WIPI1: variants seen among roughly 807,000 people sequenced by gnomAD.
WIPI1 encodes WD repeat domain phosphoinositide-interacting protein 1.
Under a neutral mutation model 55.3 loss-of-function variants are expected in WIPI1, and 45 were observed. The ratio of observed to expected loss-of-function variants is 0.81; its 90% confidence interval spans 0.64 to 1.04. WIPI1 has a LOEUF of 1.04. WIPI1 is among the 50% of genes least tolerant of loss of function. The pLI is 0.00. For missense variants in WIPI1, 445 were observed against 559.0 expected (o/e 0.80, Z 2.06); for synonymous variants, 195 against 217.6 (o/e 0.90, Z 0.92).
rs1372239678 is a variant in WIPI1 at position 68,457,430 on chromosome 17, CGGCCCGGGA to C, written c.-18_-10del. The C allele has an allele frequency of 2.0e-6, 3 of 1,469,394 alleles. No individual in the cohort carries two copies. The highest frequency in any genetic ancestry group is 2.4e-5 in the Admixed American group (1 of 41,698). 91.0% of individuals were successfully genotyped at this position (1,469,394 alleles called of 1,614,324 possible). On this transcript the variant is annotated 5_prime_UTR_variant, in exon 1 of 13. Transcript: ENST00000262139. ...GCGGCCTCGGCCTCCATCGGGGGCT[CGGCCCGGGA>C]AGCCGCAGCTCGGAGCCGGCGACAG...
intron 8 of WIPI1, among the ~76,000 whole-genome samples, chr17:68,432,226 C>T (rs1029450963): frequency 2.0e-5 from 3 of 152,078 alleles, no homozygotes; most frequent in African/African-American, 7.2e-5. Flanking sequence ...TGGGGGGAGA[C>T]AAGGATTCTA....
At chr17:68,421,936 G>A in intron 12 of WIPI1, 116 bp from the exon 13 acceptor site, 1 of 1,347,968 alleles carries the variant, frequency 7.4e-7, no homozygotes, top group Non-Finnish European at 1.1e-6. Context: ...GGGCACTGTG[G>A]AATTTTTCTG....
At chr17:68,449,825 C>T (rs957406890) in intron 3 of WIPI1, among the ~76,000 whole-genome samples, 4 of 152,110 alleles carry the variant, frequency 2.6e-5, no homozygotes, top group South Asian at 2.1e-4. Flanking sequence ...TGAGAATAGA[C>T]GAATACACTC....
Position 68,421,453 on chromosome 17 carries a change from C to T in WIPI1, c.*320G>A, listed in dbSNP as rs1019252260. 4.5e-5 allele frequency: 15 copies of T among 334,004 alleles called. No homozygotes were observed. The highest frequency in any genetic ancestry group is 6.2e-5 in the African/African-American group (3 of 48,686). The allele number at this position is 334,004 out of a possible 1,614,324, so 20.7% of individuals were successfully genotyped here. On this transcript the variant is annotated 3_prime_UTR_variant, in exon 13 of 13. Transcript: ENST00000262139. ...TGTTCCTATAAGTACATTTTTTACACGGCATATATTTAAAAAGGAGGCCCC... is the reference window on the plus strand; with the variant it reads ...TGTTCCTATAAGTACATTTTTTACATGGCATATATTTAAAAAGGAGGCCCC...
intron 11 of WIPI1, 74 bp from the exon 12 acceptor site, chr17:68,426,249 C>CGGGGGGGGG: frequency 1.3e-6 from 1 of 776,014 alleles, no homozygotes; most frequent in Non-Finnish European, 1.9e-6. Flanking sequence ...GGGTGGGGAG[C>CGGGGGGGGG]GGGGGCTCAA....
chr17:68,424,104 G>A (rs1010298408), intron 12 of WIPI1, among the ~76,000 whole-genome samples: 1 of 152,110 alleles, frequency 6.6e-6, no homozygotes, highest in Non-Finnish European at 1.5e-5. Flanking sequence ...GGCCAGTTGG[G>A]GCCATGAGAA....
At chr17:68,448,494 G>T (rs1304390734) in intron 3 of WIPI1, 1 of 152,124 alleles carries the variant, frequency 6.6e-6, no homozygotes, top group African/African-American at 2.4e-5. Context: ...TTTAGAAGGT[G>T]GGGGAGGAGA....
At position 68,429,498 on chromosome 17, in the gene WIPI1, A is replaced by T. The variant is rs183999737; in HGVS notation, c.965+498T>A. ...TTATAACCAGAAGGCTAAAATTCCC[A>T]TGCCAACTTCTGGCTGCCCCCTGAG... On this transcript the variant is annotated intron_variant, in intron 9 of 12. Coordinates refer to ENST00000262139, the MANE Select transcript of WIPI1 (RefSeq NM_017983.7). 9.2e-5 allele frequency among the ~76,000 whole-genome samples: 14 copies of T among 152,336 alleles called. No homozygotes were observed. The East Asian group carries it at 2.7e-3, about 29-fold the overall frequency.
At chr17:68,450,372 C>T (rs1001195531) in intron 3 of WIPI1, among the ~76,000 whole-genome samples, 4 of 152,160 alleles carry the variant, frequency 2.6e-5, no homozygotes, top group African/African-American at 9.7e-5. Flanking sequence ...AGGGCAAAAC[C>T]AGAAGAGTCG....
intron 9 of WIPI1, 70 bp from the exon 10 acceptor site, chr17:68,429,006 A>G (rs895441642): frequency 1.3e-5 from 15 of 1,177,890 alleles, no homozygotes; most frequent in Non-Finnish European, 1.6e-5. Flanking sequence ...CCAATGACAA[A>G]GCCCCCCTCA....
At chr17:68,443,850 C>T (rs1358794448) in intron 4 of WIPI1, among the ~76,000 whole-genome samples, 1 of 152,192 alleles carries the variant, frequency 6.6e-6, no homozygotes, top group East Asian at 1.9e-4. Flanking sequence ...CTCACCCCAC[C>T]ACACAATGAA....
Position 68,444,473 on chromosome 17 carries a change from G to A in WIPI1, c.430+20C>T, listed in dbSNP as rs2147951973. The A allele has an allele frequency of 1.9e-6, 3 of 1,601,828 alleles. No individual in the cohort carries two copies. Among genetic ancestry groups the A allele is most frequent in the Non-Finnish European group, 2.6e-6 (3 of 1,171,886 alleles). ...AGGACATGAAATTTCAGGGACATTT[G>A]TTCCATTTTTGGAGCTCACCTGTTG... On this transcript the variant is annotated intron_variant, in intron 4 of 12. Coordinates refer to ENST00000262139, the MANE Select transcript of WIPI1 (RefSeq NM_017983.7).
intron 10 of WIPI1, chr17:68,428,205 T>G (rs1367273298): frequency 6.6e-6 from 1 of 150,896 alleles, no homozygotes; most frequent in African/African-American, 2.5e-5. Context: ...GTAGAGCACT[T>G]TTCAATTCCA....
intron 10 of WIPI1, 55 bp downstream of exon 10, chr17:68,428,774 C>T: frequency 1.4e-6 from 2 of 1,394,608 alleles, no homozygotes; most frequent in Non-Finnish European, 2.0e-6. Flanking sequence ...GGCGAAGGGA[C>T]AACTCTACAC....
chr17:68,438,945 T>C (rs1055387438), intron 4 of WIPI1, among the ~76,000 whole-genome samples: 3 of 152,166 alleles, frequency 2.0e-5, no homozygotes, highest in African/African-American at 7.2e-5. Flanking sequence ...CACGATGAGA[T>C]ACCACTGTAC....
chr17:68,429,423 G>A (rs1409396773), intron 9 of WIPI1, among the ~76,000 whole-genome samples: 1 of 152,066 alleles, frequency 6.6e-6, no homozygotes, highest in East Asian at 1.9e-4. Context: ...AGATCTGGAG[G>A]CTTTTTACAT....
intron 12 of WIPI1, chr17:68,424,694 G>A: frequency 5.9e-6 from 2 of 340,998 alleles, no homozygotes; most frequent in Non-Finnish European, 1.2e-5. Flanking sequence ...TGACCAACAT[G>A]GTGAAACCCC....
chr17:68,448,096 C>A (rs569875443), intron 3 of WIPI1, among the ~76,000 whole-genome samples: 1 of 151,952 alleles, frequency 6.6e-6, no homozygotes, highest in South Asian at 2.1e-4. Context: ...TGTCTGAAGG[C>A]CTGAGGAAGT....
At chr17:68,430,454 A>G (rs1040111021) in intron 8 of WIPI1, among the ~76,000 whole-genome samples, 1 of 152,214 alleles carries the variant, frequency 6.6e-6, no homozygotes, top group Non-Finnish European at 1.5e-5. Context: ...TCTGATTCCT[A>G]GATTTCCAGA....
Sources: allele counts gnomAD v4.1 joint callset (sites outside exome capture counted in the v4.1 genomes callset), GRCh38; gene constraint gnomAD v4.1.1; transcripts MANE v1.5; gene names NCBI Gene and HGNC (gene_info 2026-07-23, HGNC 2026-07-21).